The following RGS9 variants were observed in gnomAD, a reference collection of about 807,000 sequenced individuals.
RGS9 encodes the protein regulator of G protein signaling 9.
RGS9 carries 78 observed loss-of-function variants against 102.0 expected under a neutral mutation model. The ratio of observed to expected loss-of-function variants is 0.76; its 90% CI spans 0.64 to 0.92. The LOEUF (loss-of-function observed/expected upper bound fraction) is 0.92, where lower values mean the gene tolerates loss of function less well. RGS9 is among the 40% of genes least tolerant of loss of function. RGS9 has a pLI of 0.00. For synonymous variants in RGS9, 353 were observed against 318.6 expected, an observed-to-expected ratio of 1.11 and a Z score of -1.15; for missense variants, 833 against 866.1, an observed-to-expected ratio of 0.96 and a Z score of 0.48.
chr17:65,204,330 G>A, intron 15 of RGS9, 29 bp downstream of exon 15: 1 of 1,612,574 alleles, frequency 6.2e-7, no homozygotes, highest in Non-Finnish European at 8.5e-7. Context: ...TGGATACGGG[G>A]TCCAGATAGG....
intron 2 of RGS9, among the ~76,000 whole-genome samples, chr17:65,156,229 G>C (rs1910762255): frequency 6.6e-6 from 1 of 152,106 alleles, no homozygotes; most frequent in African/African-American, 2.4e-5. Flanking sequence ...CACTATGTTG[G>C]TCAGGCTGAT....
rs1431366552 is a variant in RGS9, at chr17:65,207,911, G to C, written c.1204-11G>C. On this transcript the variant is annotated splice_polypyrimidine_tract_variant and intron_variant, in intron 15 of 18. Transcript: ENST00000262406. ...CTCTCATAATTACTGTTGTTTTCTTGTTCCCACTAGGATTCTTATGCTCGC... is the reference window on the plus strand; with the variant it reads ...CTCTCATAATTACTGTTGTTTTCTTCTTCCCACTAGGATTCTTATGCTCGC... The C allele has an allele frequency of 1.3e-6, 2 of 1,596,946 alleles. No individual in the cohort carries two copies. Among genetic ancestry groups the C allele is most frequent in the South Asian group, 2.2e-5 (2 of 90,632 alleles).
At chr17:65,146,228 C>G (rs574351263) in intron 1 of RGS9, among the ~76,000 whole-genome samples, 1 of 152,276 alleles carries the variant, frequency 6.6e-6, no homozygotes, top group South Asian at 2.1e-4. Flanking sequence ...CTAATAAAAA[C>G]CATTTTGAAT....
Position 65,197,184 on chromosome 17 carries a change from A to C in RGS9, c.919A>C (p.Ile307Leu). 1.9e-6 allele frequency: 3 copies of C among 1,614,096 alleles called. No individual in the cohort carries two copies. Among genetic ancestry groups the C allele is most frequent in the Non-Finnish European group, 2.5e-6 (3 of 1,179,976 alleles). ...ATGGGCCTTCAACTTCAGCGAATTG[A>C]TCCGAGACCCCAAAGGTCGACAGAG... ...ERWAFNFSEL[I>L]RDPKGRQSFQ... Residue 307 changes from isoleucine to leucine, a missense_variant, in exon 13 of 19, where the codon ATC (isoleucine) becomes CTC (leucine). Ile to Leu is a conservative substitution (Grantham distance 5). Around this residue, in one of 3 missense-constraint regions of RGS9, gnomAD observed 185 missense variants for 248.7 expected, o/e 0.74. Transcript: ENST00000262406.
chr17:65,193,506 C>A (rs1195320484), intron 11 of RGS9, 37 bp from the exon 12 acceptor site: 3 of 1,354,564 alleles, frequency 2.2e-6, no homozygotes, highest in Admixed American at 3.4e-5. Context: ...TCTTGGGTGT[C>A]GAGCTTCTAG....
intron 8 of RGS9, among the ~76,000 whole-genome samples, chr17:65,175,780 G>T (rs1911603070): frequency 6.6e-6 from 1 of 152,074 alleles, no homozygotes; most frequent in East Asian, 1.9e-4. Context: ...TGCCTCCATG[G>T]TAGCCCGGTG....
At chr17:65,152,252 G>C (rs374796416) in intron 1 of RGS9, among the ~76,000 whole-genome samples, 18 of 152,310 alleles carry the variant, frequency 1.2e-4, no homozygotes, top group African/African-American at 4.1e-4. Context: ...CCCAAGGCTG[G>C]CTGGGAGTGT....
intron 11 of RGS9, 88 bp from the exon 12 acceptor site, chr17:65,193,455 A>T: frequency 1.2e-6 from 1 of 835,754 alleles, no homozygotes; most frequent in Non-Finnish European, 2.1e-6. Context: ...ATACAGGAAA[A>T]GAGGACAGCC....
intron 14 of RGS9, 48 bp from the exon 15 acceptor site, chr17:65,204,115 A>C: frequency 6.2e-7 from 1 of 1,609,728 alleles, no homozygotes; most frequent in Non-Finnish European, 8.5e-7. Flanking sequence ...GCTATCCATG[A>C]ATTGACTTGG....
At chr17:65,197,711 C>G (rs1912652285) in intron 13 of RGS9, among the ~76,000 whole-genome samples, 1 of 151,676 alleles carries the variant, frequency 6.6e-6, no homozygotes, top group East Asian at 1.9e-4. Context: ...GCTGTGTCGC[C>G]CAGCCTGGAG....
intron 3 of RGS9, among the ~76,000 whole-genome samples, chr17:65,159,169 C>T (rs531418881): frequency 2.1e-4 from 32 of 150,576 alleles, no homozygotes; most frequent in South Asian, 6.4e-4. Flanking sequence ...CACTCCTGCC[C>T]GCCAGAGAAC....
At chr17:65,177,869 A>G (rs1335908686) in intron 9 of RGS9, 66 bp downstream of exon 9, 4 of 1,271,128 alleles carry the variant, frequency 3.1e-6, no homozygotes, top group African/African-American at 1.5e-5. Flanking sequence ...AGGTGTCCAC[A>G]TGTCTATTCG....
intron 8 of RGS9, among the ~76,000 whole-genome samples, chr17:65,169,401 G>A (rs769609363): frequency 1.3e-5 from 2 of 152,180 alleles, no homozygotes; most frequent in Admixed American, 6.5e-5. Context: ...GGGTGACAGA[G>A]CACAGGGTCC....
intron 14 of RGS9, 101 bp from the exon 15 acceptor site, chr17:65,204,062 G>T: frequency 7.0e-7 from 1 of 1,419,282 alleles, no homozygotes; most frequent in East Asian, 2.3e-5. Context: ...CCTCACCCTC[G>T]GTAACCGATT....
At chr17:65,169,208 A>G (rs1384525903) in intron 8 of RGS9, among the ~76,000 whole-genome samples, 2 of 152,106 alleles carry the variant, frequency 1.3e-5, no homozygotes, top group Admixed American at 6.5e-5. Context: ...TATATTCTTT[A>G]TATACTGAAA....
intron 8 of RGS9, among the ~76,000 whole-genome samples, chr17:65,171,632 A>T (rs1189859288): frequency 1.3e-5 from 2 of 152,204 alleles, no homozygotes; most frequent in East Asian, 3.9e-4. Context: ...TGTCTGATAG[A>T]TGGTGTTTCA....
intron 9 of RGS9, among the ~76,000 whole-genome samples, chr17:65,180,212 A>G (rs1212641148): frequency 6.6e-6 from 1 of 152,130 alleles, no homozygotes; most frequent in Non-Finnish European, 1.5e-5. Context: ...GGTTGCCAAG[A>G]GCATGAAGCA....
chr17:65,191,654 C>A (rs1321952633), intron 11 of RGS9, among the ~76,000 whole-genome samples: 1 of 151,954 alleles, frequency 6.6e-6, no homozygotes. Flanking sequence ...GGCTGAGGCA[C>A]AAGAATTGCT....
At chr17:65,224,893 C>A (rs34581169) in intron 17 of RGS9, 109 bp from the exon 18 acceptor site, 1 of 1,461,314 alleles carries the variant, frequency 6.8e-7, no homozygotes, top group Admixed American at 1.7e-5. Context: ...ATATCAGGCC[C>A]GCACTCTTGT....
Sources: allele counts gnomAD v4.1 joint callset (sites outside exome capture counted in the v4.1 genomes callset), GRCh38; gene constraint gnomAD v4.1.1; regional missense constraint gnomAD v4.1.1; transcripts MANE v1.5; gene names NCBI Gene and HGNC (gene_info 2026-07-23, HGNC 2026-07-21).